RALGPS1: variants seen among roughly 807,000 people sequenced by gnomAD.
The protein encoded by RALGPS1 is ras-specific guanine nucleotide-releasing factor RalGPS1.
RALGPS1 carries 19 observed loss-of-function variants against 78.8 expected under a neutral mutation model. The ratio of observed to expected loss-of-function variants is 0.24; its 90% CI spans 0.17 to 0.35. The LOEUF (loss-of-function observed/expected upper bound fraction) is 0.35, where lower values mean the gene tolerates loss of function less well. Among genes scored for constraint, RALGPS1 ranks in the 10% least tolerant of loss-of-function variants. The pLI is 1.00. For missense variants in RALGPS1, 454 were observed against 688.3 expected (o/e 0.66, Z 3.81); for synonymous variants, 228 against 256.3 (o/e 0.89, Z 1.06).
chr9:127,105,951 A>G (rs1357832145), intron 8 of RALGPS1, among the ~76,000 whole-genome samples: 1 of 152,240 alleles, frequency 6.6e-6, no homozygotes, highest in Admixed American at 6.5e-5. Flanking sequence ...TCCACAGCAT[A>G]ACACTGTGAG....
chr9:127,179,002 G>A (rs1204053538), intron 11 of RALGPS1, among the ~76,000 whole-genome samples: 3 of 152,162 alleles, frequency 2.0e-5, no homozygotes, highest in East Asian at 1.9e-4. Context: ...AAATCCCTCC[G>A]TCAGCCACAA....
At chr9:127,121,934 C>T (rs1285398174) in intron 8 of RALGPS1, among the ~76,000 whole-genome samples, 1 of 152,224 alleles carries the variant, frequency 6.6e-6, no homozygotes, top group African/African-American at 2.4e-5. Flanking sequence ...AGTCCTTGGG[C>T]CACCCCTGCC....
At chr9:126,953,541 C>T (rs147482864) in intron 1 of RALGPS1, among the ~76,000 whole-genome samples, 55 of 152,308 alleles carry the variant, frequency 3.6e-4, no homozygotes, top group African/African-American at 1.3e-3. Context: ...GATGACACAG[C>T]TGATGTAGAT....
intron 14 of RALGPS1, among the ~76,000 whole-genome samples, chr9:127,202,402 A>G (rs912432340): frequency 2.0e-5 from 3 of 152,072 alleles, no homozygotes; most frequent in African/African-American, 4.8e-5. Context: ...GTAGGTCCCC[A>G]TAGTGTTCGG....
Position 127,080,735 on chromosome 9 carries a change from C to A in RALGPS1, c.610+11379C>A, listed in dbSNP as rs1274514047. On this transcript the variant is annotated intron_variant, in intron 8 of 18. Coordinates refer to ENST00000259351, the MANE Select transcript of RALGPS1 (RefSeq NM_014636.3). ...AATATTTAGACTGTTTCTAGTTTTTCCCTTTTACATATACAAGTTGAATAT... is the reference window on the plus strand; with the variant it reads ...AATATTTAGACTGTTTCTAGTTTTTACCTTTTACATATACAAGTTGAATAT... 7.9e-5 allele frequency among the ~76,000 whole-genome samples: 12 copies of A among 152,282 alleles called. No homozygotes were observed. The East Asian group carries it at 2.3e-3, about 29-fold the overall frequency.
chr9:126,986,672 C>G (rs567154656), intron 4 of RALGPS1, among the ~76,000 whole-genome samples: 5 of 152,296 alleles, frequency 3.3e-5, no homozygotes. Context: ...GGAGCAGCAT[C>G]AAGGGGAAAC....
At chr9:127,027,472 A>T (rs1242059251) in intron 4 of RALGPS1, among the ~76,000 whole-genome samples, 2 of 152,216 alleles carry the variant, frequency 1.3e-5, no homozygotes, top group Admixed American at 6.5e-5. Flanking sequence ...ATTAAGAGTT[A>T]TAGAAAAAGA....
At chr9:127,203,099 A>G (rs933119677) in intron 14 of RALGPS1, among the ~76,000 whole-genome samples, 7 of 152,234 alleles carry the variant, frequency 4.6e-5, no homozygotes, top group African/African-American at 1.7e-4. Flanking sequence ...GATGAAAACA[A>G]GAATATCAGC....
intron 11 of RALGPS1, among the ~76,000 whole-genome samples, chr9:127,189,027 A>C (rs904681500): frequency 1.1e-4 from 13 of 120,228 alleles, no homozygotes; most frequent in Non-Finnish European, 2.1e-4. Context: ...AAAAAAAAAA[A>C]CCCCATTGGC....
intron 11 of RALGPS1, among the ~76,000 whole-genome samples, chr9:127,188,832 TAAAAAAAAA>T (rs202172226): frequency 1.1e-5 from 1 of 87,472 alleles, no homozygotes; most frequent in South Asian, 5.4e-4. Flanking sequence ...CCATCTCTAC[TAAAAAAAAA>T]AAAAAAAATG....
intron 1 of RALGPS1, among the ~76,000 whole-genome samples, chr9:126,938,929 C>T (rs1452710777): frequency 6.6e-6 from 1 of 152,118 alleles, no homozygotes; most frequent in Non-Finnish European, 1.5e-5. Flanking sequence ...ACAAACTAGC[C>T]CCCGTTTTTG....
intron 5 of RALGPS1, among the ~76,000 whole-genome samples, chr9:127,040,751 G>GGAAGA (rs1401742159): frequency 2.6e-5 from 4 of 152,074 alleles, no homozygotes; most frequent in African/African-American, 9.7e-5. Context: ...GGTGTGGAGG[G>GGAAGA]GAAGATAGCA....
At chr9:127,062,288 CG>C (rs1185172484) in intron 7 of RALGPS1, among the ~76,000 whole-genome samples, 1 of 152,006 alleles carries the variant, frequency 6.6e-6, no homozygotes, top group Non-Finnish European at 1.5e-5. Flanking sequence ...TTAGTAGAGA[CG>C]GGGTTTCACC....
chr9:126,972,470 A>T (rs1588734794), intron 3 of RALGPS1, among the ~76,000 whole-genome samples: 1 of 152,220 alleles, frequency 6.6e-6, no homozygotes, highest in African/African-American at 2.4e-5. Context: ...TCATTTTGTA[A>T]CCCCAGTGAA....
rs144648377 is a variant in RALGPS1, at chr9:126,993,842, C to T, written c.216+16097C>T. Among the ~76,000 whole-genome samples, 452 of 152,262 alleles carry T rather than the reference C, an allele frequency of 3.0e-3. 1 individual carries two copies. The highest frequency in any genetic ancestry group is 4.2e-3 in the Non-Finnish European group (289 of 68,022). Reference sequence around the variant, plus strand: ...CTCTGAGACAAAACTTCCAGAGGAACGATCAGGCAGCAGCATTTGCGGTTC... The same window carrying T: ...CTCTGAGACAAAACTTCCAGAGGAATGATCAGGCAGCAGCATTTGCGGTTC... On this transcript the variant is annotated intron_variant, in intron 4 of 18. Transcript: ENST00000259351.
intron 11 of RALGPS1, among the ~76,000 whole-genome samples, 170 bp downstream of exon 11, chr9:127,174,952 C>T (rs1469930239): frequency 3.3e-5 from 5 of 152,138 alleles, no homozygotes; most frequent in African/African-American, 9.7e-5. Flanking sequence ...CCTGATCATG[C>T]GGGACTTCTG....
chr9:127,081,326 C>T (rs2051147255), intron 8 of RALGPS1, among the ~76,000 whole-genome samples: 1 of 152,164 alleles, frequency 6.6e-6, no homozygotes, highest in Non-Finnish European at 1.5e-5. Flanking sequence ...GATCAGCCAC[C>T]CTCTGCCCTT....
chr9:127,038,212 G>A (rs2047017485), intron 5 of RALGPS1, among the ~76,000 whole-genome samples: 1 of 152,190 alleles, frequency 6.6e-6, no homozygotes, highest in African/African-American at 2.4e-5. Context: ...CATTTATTGA[G>A]CATTAATGCT....
intron 8 of RALGPS1, among the ~76,000 whole-genome samples, chr9:127,076,842 A>G (rs72764370): frequency 0.016 from 2,425 of 152,326 alleles, 34 homozygotes; most frequent in Non-Finnish European, 0.026. Flanking sequence ...GGGAACCAGG[A>G]AGGGCTTTCT....
Sources: gnomAD v4.1 joint callset for allele counts (sites outside exome capture counted in the v4.1 genomes callset) on GRCh38, gnomAD v4.1.1 for gene constraint, MANE v1.5 for transcripts, NCBI Gene and HGNC (gene_info 2026-07-23, HGNC 2026-07-21) for gene names.